The following ETV6 variants were observed in gnomAD, a reference collection of about 807,000 sequenced individuals.
ETV6 encodes ETS variant transcription factor 6.
Under a neutral mutation model 51.1 loss-of-function variants are expected in ETV6, and 16 were observed. The ratio of observed to expected loss-of-function variants is 0.31; its 90% confidence interval spans 0.21 to 0.48. The LOEUF (loss-of-function observed/expected upper bound fraction) is 0.48. Among genes scored for constraint, ETV6 ranks in the 20% least tolerant of loss-of-function variants. ETV6 has a pLI of 0.99. For synonymous variants in ETV6, 240 were observed against 224.1 expected (o/e 1.07, Z -0.64); for missense variants, 458 against 594.8 (o/e 0.77, Z 2.39).
At chr12:11,860,295 G>A (rs542309599) in intron 4 of ETV6, among the ~76,000 whole-genome samples, 1 of 152,274 alleles carries the variant, frequency 6.6e-6, no homozygotes, top group South Asian at 2.1e-4. Flanking sequence ...CTGTGGGCTG[G>A]GGTTTGACAT....
chr12:11,891,458 A>AG lies in ETV6; in HGVS notation c.*412_*413insG. 2.8e-6 allele frequency: 1 copy of AG among 353,168 alleles called. No homozygotes were observed. The allele number at this position is 353,168 out of a possible 1,614,324, so 21.9% of individuals were successfully genotyped here. A position where few individuals can be genotyped will look rare whatever the true frequency, so the allele number is the denominator to read the frequency against. ...TGTTTTCCTATGGAAATATATATCTATTATATATATATTTTTTGCAAATCT... is the reference window on the plus strand; with the variant it reads ...TGTTTTCCTATGGAAATATATATCTAGTTATATATATATTTTTTGCAAATCT... On this transcript the variant is annotated 3_prime_UTR_variant, in exon 8 of 8. Coordinates refer to ENST00000396373, the MANE Select transcript of ETV6 (RefSeq NM_001987.5).
Position 11,650,176 on chromosome 12 carries a change from C to T in ETV6, c.33+16C>T, listed in dbSNP as rs1250950590. The T allele has an allele frequency of 7.4e-6, 12 of 1,610,888 alleles. No individual in the cohort carries two copies. The highest frequency in any genetic ancestry group is 2.2e-5 in the South Asian group (2 of 91,020). On this transcript the variant is annotated intron_variant, in intron 1 of 7. Transcript: ENST00000396373. ...TAGCATTAAGGTAAAAATCTTCTCC[C>T]CTCCTTCTACGTGGTGGAAACCCTG... is the stretch of plus-strand genomic sequence containing the variant.
At chr12:11,859,134 T>C (rs1206537012) in intron 4 of ETV6, among the ~76,000 whole-genome samples, 6,137 of 81,048 alleles carry the variant, frequency 0.076, 1,437 homozygotes, top group East Asian at 0.3. Context: ...TTTTTTTTTT[T>C]TTTTTTTTTT....
intron 1 of ETV6, among the ~76,000 whole-genome samples, chr12:11,653,893 A>T (rs535901734): frequency 2.0e-5 from 3 of 151,896 alleles, no homozygotes; most frequent in South Asian, 2.1e-4. Context: ...GCTCACTGCA[A>T]CCTCTACCTC....
chr12:11,791,972 C>T (rs1945602765), intron 2 of ETV6, among the ~76,000 whole-genome samples: 1 of 152,082 alleles, frequency 6.6e-6, no homozygotes, highest in African/African-American at 2.4e-5. Context: ...TTTGAGAACC[C>T]CGTTGGGAGG....
In ETV6 at chr12:11,702,733, CGTT is replaced by C. The variant is rs756454131; in HGVS notation, c.34-49713_34-49711del. 2.1e-4 allele frequency among the ~76,000 whole-genome samples: 32 copies of C among 152,234 alleles called. No homozygotes were observed. The South Asian group carries it at 2.9e-3, about 14-fold the overall frequency. On this transcript the variant is annotated intron_variant, in intron 1 of 7. Coordinates refer to ENST00000396373, the MANE Select transcript of ETV6 (RefSeq NM_001987.5). Reference sequence around the variant, plus strand: ...GAAGGGCTTACCAGGAAGACATAGTCGTTGTTCATATGCAGTTTCTATTCTGAA... The same window carrying C: ...GAAGGGCTTACCAGGAAGACATAGTCGTTCATATGCAGTTTCTATTCTGAA...
intron 2 of ETV6, among the ~76,000 whole-genome samples, chr12:11,773,110 C>T (rs896692555): frequency 4.6e-5 from 7 of 150,786 alleles, no homozygotes; most frequent in Non-Finnish European, 8.8e-5. Context: ...AGGAGAATGG[C>T]GTGAACCCGG....
chr12:11,654,087 T>G (rs1863956582), intron 1 of ETV6, among the ~76,000 whole-genome samples: 1 of 152,178 alleles, frequency 6.6e-6, no homozygotes, highest in African/African-American at 2.4e-5. Context: ...GTGCTGAGAT[T>G]ACAGGTGTGA....
At chr12:11,829,045 G>A (rs951553996) in intron 2 of ETV6, among the ~76,000 whole-genome samples, 6 of 151,888 alleles carry the variant, frequency 4.0e-5, no homozygotes, top group Admixed American at 2.6e-4. Flanking sequence ...GCTGTTTTCC[G>A]CAACCCCACC....
chr12:11,775,721 C>T lies in ETV6; in HGVS notation c.163+23142C>T, dbSNP rs73290599. Among the ~76,000 whole-genome samples the T allele has an allele frequency of 9.4e-3, 1,425 of 152,296 alleles. 13 individuals are homozygous for T. The highest frequency in any genetic ancestry group is 0.032 in the African/African-American group (1,329 of 41,548). On this transcript the variant is annotated intron_variant, in intron 2 of 7. Transcript: ENST00000396373. ...AGTCCACATTTATAAGTTTTCCTGT[C>T]GGGTGAGCTGCCGAAGGGCCAGGGA...
intron 5 of ETV6, among the ~76,000 whole-genome samples, chr12:11,873,894 G>A (rs1946922102): frequency 8.9e-6 from 1 of 112,138 alleles, no homozygotes. Flanking sequence ...GCTACATGGA[G>A]GGCTGGCTTT....
chr12:11,795,448 C>T (rs932884369), intron 2 of ETV6, among the ~76,000 whole-genome samples: 3 of 152,194 alleles, frequency 2.0e-5, no homozygotes, highest in Non-Finnish European at 4.4e-5. Flanking sequence ...AGGAGGGGCA[C>T]CCTCCAAGGA....
intron 1 of ETV6, among the ~76,000 whole-genome samples, chr12:11,737,960 C>T (rs962451377): frequency 3.3e-5 from 5 of 152,118 alleles, no homozygotes; most frequent in Middle Eastern, 3.4e-3. Context: ...TTTAGCCTTG[C>T]AGGGAAGGGG....
intron 1 of ETV6, among the ~76,000 whole-genome samples, chr12:11,685,279 C>T (rs529502679): frequency 1.4e-5 from 2 of 146,492 alleles, no homozygotes; most frequent in Admixed American, 6.9e-5. Flanking sequence ...ACCTTTTGGT[C>T]GATTTGTTGA....
At position 11,874,440 on chromosome 12, in the gene ETV6, A is replaced by G. The variant is rs1219025557; in HGVS notation, c.1009+4471A>G. Among the ~76,000 whole-genome samples the G allele has an allele frequency of 1.4e-3, 3 of 2,150 alleles. 1 individual carries two copies. Among genetic ancestry groups the G allele is most frequent in the Admixed American group, 8.6e-3 (1 of 116 alleles). 1.4% of individuals were successfully genotyped at this position (2,150 alleles called of 152,430 possible). A position where few individuals can be genotyped will look rare whatever the true frequency, so the allele number is the denominator to read the frequency against. On this transcript the variant is annotated intron_variant, in intron 5 of 7. Coordinates refer to ENST00000396373, the MANE Select transcript of ETV6 (RefSeq NM_001987.5). ...TATATATATACACACACATATATGT[A>G]TATATATATGCGTATGTATATATAC...
chr12:11,679,509 C>G (rs2541114), intron 1 of ETV6, among the ~76,000 whole-genome samples: 17,128 of 152,238 alleles, frequency 0.11, 1,356 homozygotes, highest in African/African-American at 0.23. Flanking sequence ...AGGTTCTGCA[C>G]ACTGGTGAAG....
At chr12:11,832,422 G>A (rs1946257858) in intron 2 of ETV6, among the ~76,000 whole-genome samples, 1 of 152,210 alleles carries the variant, frequency 6.6e-6, no homozygotes, top group Non-Finnish European at 1.5e-5. Context: ...AGAACTCAGA[G>A]GGGTGAAAGA....
intron 2 of ETV6, among the ~76,000 whole-genome samples, chr12:11,826,972 T>C (rs896837499): frequency 1.3e-5 from 2 of 152,034 alleles, no homozygotes; most frequent in African/African-American, 4.8e-5. Flanking sequence ...AGATTACAGC[T>C]TTTTTATTGA....
intron 2 of ETV6, among the ~76,000 whole-genome samples, chr12:11,838,247 T>G (rs992822324): frequency 3.3e-5 from 5 of 152,232 alleles, no homozygotes; most frequent in Non-Finnish European, 7.3e-5. Context: ...TTTTACTTCA[T>G]AGGCACCCTA....
Sources: allele counts gnomAD v4.1 joint callset (sites outside exome capture counted in the v4.1 genomes callset), GRCh38; gene constraint gnomAD v4.1.1; transcripts MANE v1.5; gene names NCBI Gene and HGNC (gene_info 2026-07-23, HGNC 2026-07-21).